GRIA1: variants seen among roughly 807,000 people sequenced by gnomAD.
GRIA1 encodes glutamate ionotropic receptor AMPA type subunit 1.
Under a neutral mutation model 99.2 loss-of-function variants are expected in GRIA1, and 31 were observed. That is an observed-to-expected ratio of 0.31 (90% confidence interval 0.23 to 0.42). The LOEUF (loss-of-function observed/expected upper bound fraction) is 0.42. Among genes scored for constraint, GRIA1 ranks in the 10% least tolerant of loss-of-function variants. The pLI, the probability that GRIA1 is intolerant of heterozygous loss-of-function variation, is 1.00. For missense variants in GRIA1, 782 were observed against 1,157.5 expected, an observed-to-expected ratio of 0.68 and a Z score of 4.71; for synonymous variants, 438 against 432.4, an observed-to-expected ratio of 1.01 and a Z score of -0.16.
intron 13 of GRIA1, among the ~76,000 whole-genome samples, chr5:153,771,866 C>T (rs1763902384): frequency 6.6e-6 from 1 of 150,760 alleles, no homozygotes; most frequent in African/African-American, 2.4e-5. Flanking sequence ...CAACTAAAAA[C>T]ATAAGGTAAT....
chr5:153,499,638 A>AAT (rs1754790181), intron 2 of GRIA1, among the ~76,000 whole-genome samples: 2 of 151,126 alleles, frequency 1.3e-5, no homozygotes, highest in Admixed American at 6.6e-5. Context: ...AAAAAAAAAA[A>AAT]AACTATGAAT....
rs1454195213 is a variant in GRIA1, at chr5:153,724,617, C to T, written c.1823+18550C>T. The stretch of plus-strand genomic sequence containing the variant: ...TGAAGAATGCAGAAGCCTCAGGAGC[C>T]GATGCGATCAACTGGAAGAAAGGGT... On this transcript the variant is annotated intron_variant, in intron 11 of 15. Coordinates refer to ENST00000285900, the MANE Select transcript of GRIA1 (RefSeq NM_000827.4). Among the ~76,000 whole-genome samples the T allele has an allele frequency of 7.2e-5, 11 of 152,072 alleles. No individual in the cohort carries two copies. In the East Asian group the frequency reaches 9.6e-4, roughly 13 times the overall value.
intron 7 of GRIA1, among the ~76,000 whole-genome samples, chr5:153,680,250 TTTCCC>T (rs1756879390): frequency 6.6e-6 from 1 of 151,992 alleles, no homozygotes; most frequent in Non-Finnish European, 1.5e-5. Context: ...TCCGCTGTAA[TTTCCC>T]TAGCAGCAGA....
chr5:153,754,877 AG>A (rs1167012902), intron 11 of GRIA1, among the ~76,000 whole-genome samples: 2 of 152,218 alleles, frequency 1.3e-5, no homozygotes, highest in South Asian at 4.1e-4. Flanking sequence ...TTATGGTGTA[AG>A]GGAAAAAAGA....
At chr5:153,715,580 A>G (rs969972234) in intron 11 of GRIA1, among the ~76,000 whole-genome samples, 2 of 152,288 alleles carry the variant, frequency 1.3e-5, no homozygotes, top group African/African-American at 4.8e-5. Context: ...AGATATTTTG[A>G]GGATTAAATG....
chr5:153,697,748 C>G (rs748724193), intron 8 of GRIA1, among the ~76,000 whole-genome samples: 5 of 152,194 alleles, frequency 3.3e-5, no homozygotes, highest in Admixed American at 6.5e-5. Flanking sequence ...ATGGTCCTGG[C>G]TTGCATTGTA....
At chr5:153,572,307 G>A (rs1352703239) in intron 2 of GRIA1, among the ~76,000 whole-genome samples, 1 of 152,106 alleles carries the variant, frequency 6.6e-6, no homozygotes, top group South Asian at 2.1e-4. Flanking sequence ...GGTGATATTA[G>A]GACCTGCTCA....
At chr5:153,806,723 T>C (rs1400754860) in intron 15 of GRIA1, among the ~76,000 whole-genome samples, 1 of 151,970 alleles carries the variant, frequency 6.6e-6, no homozygotes, top group Non-Finnish European at 1.5e-5. Context: ...GAGAGAGAGA[T>C]GAAAGGAAGC....
chr5:153,706,287 G>A, intron 11 of GRIA1: 1 of 565,698 alleles, frequency 1.8e-6, no homozygotes, highest in South Asian at 2.0e-5. Context: ...GGGTTGATGT[G>A]CTCTGTCAAG....
intron 8 of GRIA1, among the ~76,000 whole-genome samples, chr5:153,688,914 T>C (rs1230021514): frequency 6.6e-6 from 1 of 152,064 alleles, no homozygotes; most frequent in African/African-American, 2.4e-5. Flanking sequence ...GACACGGGGT[T>C]TCTCACGACG....
intron 2 of GRIA1, among the ~76,000 whole-genome samples, chr5:153,623,227 A>C (rs980746881): frequency 6.6e-6 from 1 of 152,218 alleles, no homozygotes. Context: ...ATTGGAAAAA[A>C]AAATGCCATG....
chr5:153,552,591 G>A (rs759340828), intron 2 of GRIA1, among the ~76,000 whole-genome samples: 4 of 152,046 alleles, frequency 2.6e-5, no homozygotes, highest in Non-Finnish European at 4.4e-5. Flanking sequence ...GGACCAAGCT[G>A]TCAGGATTTT....
chr5:153,553,624 T>G (rs1760352891), intron 2 of GRIA1, among the ~76,000 whole-genome samples: 1 of 152,080 alleles, frequency 6.6e-6, no homozygotes, highest in Non-Finnish European at 1.5e-5. Flanking sequence ...TTTACTGAAG[T>G]TGTATCCATG....
chr5:153,808,293 A>G (rs1325621463), intron 15 of GRIA1, among the ~76,000 whole-genome samples: 1 of 152,060 alleles, frequency 6.6e-6, no homozygotes, highest in Admixed American at 6.5e-5. Context: ...AACTTTAAGA[A>G]TGGCTGGCAT....
At chr5:153,794,214 G>A (rs1248526395) in intron 13 of GRIA1, among the ~76,000 whole-genome samples, 3 of 152,136 alleles carry the variant, frequency 2.0e-5, no homozygotes, top group African/African-American at 7.2e-5. Flanking sequence ...ACTTTGCCAA[G>A]TTGATAACTC....
chr5:153,709,238 A>G (rs1660557339), intron 11 of GRIA1, among the ~76,000 whole-genome samples: 1 of 152,256 alleles, frequency 6.6e-6, no homozygotes, highest in South Asian at 2.1e-4. Flanking sequence ...TGGGTGCTGC[A>G]GTAGAAGGGG....
Position 153,701,677 on chromosome 5 carries a change from C to T in GRIA1, c.1452+2604C>T, listed in dbSNP as rs1228268795. 2.8e-5 allele frequency among the ~76,000 whole-genome samples: 4 copies of T among 141,592 alleles called. No individual in the cohort carries two copies. The South Asian group carries it at 7.0e-4, about 25-fold the overall frequency. 92.9% of individuals were successfully genotyped at this position (141,592 alleles called of 152,430 possible). The stretch of plus-strand genomic sequence containing the variant: ...CTGAAGACTCTGTGATGGCCCCAGT[C>T]GGATGCTCAGCCTTTCTTTTTAGTT... On this transcript the variant is annotated intron_variant, in intron 10 of 15. Coordinates refer to ENST00000285900, the MANE Select transcript of GRIA1 (RefSeq NM_000827.4).
intron 2 of GRIA1, among the ~76,000 whole-genome samples, chr5:153,627,359 C>T (rs1398865803): frequency 1.3e-5 from 2 of 152,104 alleles, no homozygotes; most frequent in Non-Finnish European, 2.9e-5. Flanking sequence ...GACGAAGCAC[C>T]GTTTTGAATC....
intron 11 of GRIA1, among the ~76,000 whole-genome samples, chr5:153,758,137 G>T (rs907811375): frequency 1.3e-5 from 2 of 151,920 alleles, no homozygotes; most frequent in Non-Finnish European, 1.5e-5. Flanking sequence ...CAGCAAGAAA[G>T]AACAGAATTA....
Sources: gnomAD v4.1 joint callset for allele counts (sites outside exome capture counted in the v4.1 genomes callset) on GRCh38, gnomAD v4.1.1 for gene constraint, MANE v1.5 for transcripts, NCBI Gene and HGNC (gene_info 2026-07-23, HGNC 2026-07-21) for gene names.